HPGD: variants seen among roughly 807,000 people sequenced by gnomAD.
The protein encoded by HPGD is 15-hydroxyprostaglandin dehydrogenase.
HPGD carries 29 observed loss-of-function variants against 30.0 expected under a neutral mutation model. The ratio of observed to expected loss-of-function variants is 0.97; its 90% confidence interval spans 0.72 to 1.32. The LOEUF (loss-of-function observed/expected upper bound fraction) is 1.32. Among genes scored for constraint, HPGD ranks in the 40% most tolerant of loss-of-function variants. The pLI is 0.00. For missense variants in HPGD, 340 were observed against 322.1 expected, an observed-to-expected ratio of 1.06 and a Z score of -0.43; for synonymous variants, 99 against 112.4, an observed-to-expected ratio of 0.88 and a Z score of 0.75.
intron 3 of HPGD, among the ~76,000 whole-genome samples, chr4:174,514,564 G>C (rs1484614485): frequency 6.6e-6 from 1 of 152,076 alleles, no homozygotes; most frequent in African/African-American, 2.4e-5. Context: ...ACATCTTACT[G>C]AGTGGGAAAA....
At chr4:174,497,341 G>A (rs1232868697) in intron 4 of HPGD, among the ~76,000 whole-genome samples, 3 of 152,096 alleles carry the variant, frequency 2.0e-5, no homozygotes, top group Admixed American at 6.6e-5. Flanking sequence ...TCATAGAGGC[G>A]AAAGAAATAT....
intron 3 of HPGD, among the ~76,000 whole-genome samples, chr4:174,516,102 A>C (rs1032996418): frequency 3.3e-5 from 5 of 152,206 alleles, no homozygotes; most frequent in Admixed American, 6.5e-5. Flanking sequence ...CGAAGAACTT[A>C]AAACAGAACT....
Position 174,517,980 on chromosome 4 carries a change from T to G in HPGD, c.315A>C (p.Gln105His), listed in dbSNP as rs992054884. ...AGCTAAGATAACTCACCAAATTAAT[T>G]TGCAGAGTTTTTTCCCAGTTTTTCT... ...NNEKNWEKTL[Q>H]INLVSVISGT... The change falls in exon 3 of 7, where the codon CAA becomes CAC. Residue 105 changes from glutamine to histidine, a missense_variant. Transcript: ENST00000296522. The G allele has an allele frequency of 2.6e-6, 4 of 1,527,070 alleles. No homozygotes were observed. The African/African-American group carries it at 5.5e-5, about 21-fold the overall frequency. The allele number at this position is 1,527,070 out of a possible 1,614,324, so 94.6% of individuals were successfully genotyped here.
At chr4:174,506,662 TGTTTAAAATGATATCAG>T (rs1156809101) in intron 4 of HPGD, 1 of 152,236 alleles carries the variant, frequency 6.6e-6, no homozygotes, top group East Asian at 1.9e-4. Context: ...TAATGTACAG[TGTTTAAAATGATATCAG>T]GTAAACAGTG....
chr4:174,510,923 G>A (rs1735458272), intron 3 of HPGD, among the ~76,000 whole-genome samples: 1 of 152,098 alleles, frequency 6.6e-6, no homozygotes, highest in Non-Finnish European at 1.5e-5. Flanking sequence ...TTACAGGCCT[G>A]AGCCACCGTG....
chr4:174,516,310 T>TA (rs70947446), intron 3 of HPGD, among the ~76,000 whole-genome samples: 81,398 of 151,930 alleles, frequency 0.54, 22,528 homozygotes, highest in East Asian at 0.94. Flanking sequence ...CACACACCCA[T>TA]AAAAAAGGAA....
intron 4 of HPGD, among the ~76,000 whole-genome samples, chr4:174,498,999 G>C (rs1448159948): frequency 6.6e-6 from 1 of 152,094 alleles, no homozygotes; most frequent in African/African-American, 2.4e-5. Context: ...TTCTTCTGTA[G>C]GTATAGTATT....
chr4:174,505,153 A>G (rs1735122064), intron 4 of HPGD, among the ~76,000 whole-genome samples: 1 of 152,142 alleles, frequency 6.6e-6, no homozygotes, highest in Non-Finnish European at 1.5e-5. Flanking sequence ...AAACCTATTA[A>G]TTGCATTTGA....
At chr4:174,509,168 A>G (rs1735341914) in intron 3 of HPGD, among the ~76,000 whole-genome samples, 1 of 152,124 alleles carries the variant, frequency 6.6e-6, no homozygotes, top group African/African-American at 2.4e-5. Context: ...TTCTCTGCAT[A>G]TGGTTCTCAT....
chr4:174,505,597 T>A (rs1468342779), intron 4 of HPGD, among the ~76,000 whole-genome samples: 2 of 152,144 alleles, frequency 1.3e-5, no homozygotes, highest in Non-Finnish European at 2.9e-5. Flanking sequence ...AATTTCATTA[T>A]GGGAAGAATT....
At chr4:174,513,563 A>G (rs1337274910) in intron 3 of HPGD, among the ~76,000 whole-genome samples, 1 of 152,056 alleles carries the variant, frequency 6.6e-6, no homozygotes, top group Non-Finnish European at 1.5e-5. Context: ...ATATTAAAGT[A>G]TAAAACGGAA....
Position 174,522,350 on chromosome 4 carries a change from C to G in HPGD, c.93+9G>C. The G allele has an allele frequency of 6.4e-7, 1 of 1,556,270 alleles. No homozygotes were observed. The highest frequency in any genetic ancestry group is 1.2e-5 in the South Asian group (1 of 84,992). ...CAGAGAAATTTCCGCGGCTGGGCGC[C>G]GGGCTTACCTTGGCGCCCTTAAGCA... On this transcript the variant is annotated intron_variant, in intron 1 of 6. Coordinates refer to ENST00000296522, the MANE Select transcript of HPGD (RefSeq NM_000860.6).
chr4:174,508,951 T>A (rs1278595773), intron 3 of HPGD, among the ~76,000 whole-genome samples, 159 bp from the exon 4 acceptor site: 4 of 152,222 alleles, frequency 2.6e-5, no homozygotes, highest in African/African-American at 9.6e-5. Flanking sequence ...AAGTTAGTCA[T>A]TAAACCTGGA....
At position 174,507,962 on chromosome 4, in the gene HPGD, T is replaced by G. The variant is rs956329021; in HGVS notation, c.421+734A>C. ...CCAGACAGACTCGCTTACAGTTAGGTGAAACATGAGCTCAAGTTCTATACT... is the reference window on the plus strand; with the variant it reads ...CCAGACAGACTCGCTTACAGTTAGGGGAAACATGAGCTCAAGTTCTATACT... On this transcript the variant is annotated intron_variant, in intron 4 of 6. Transcript: ENST00000296522. 4 of 556,842 alleles carry G rather than the reference T, an allele frequency of 7.2e-6. No individual in the cohort carries two copies. The South Asian group carries it at 1.0e-4, about 14-fold the overall frequency. 34.5% of individuals were successfully genotyped at this position (556,842 alleles called of 1,614,324 possible). A position where few individuals can be genotyped will look rare whatever the true frequency, so the allele number is the denominator to read the frequency against.
chr4:174,503,998 A>G (rs1228561372), intron 4 of HPGD, among the ~76,000 whole-genome samples: 1 of 152,170 alleles, frequency 6.6e-6, no homozygotes, highest in Non-Finnish European at 1.5e-5. Flanking sequence ...CATTGTGATT[A>G]TAGGTGTGAG....
At chr4:174,499,553 A>G (rs954218586) in intron 4 of HPGD, among the ~76,000 whole-genome samples, 2 of 152,100 alleles carry the variant, frequency 1.3e-5, no homozygotes, top group African/African-American at 4.8e-5. Context: ...CATTGTCTCC[A>G]CTTTCTTGAC....
intron 3 of HPGD, among the ~76,000 whole-genome samples, chr4:174,511,127 TTATAGAG>T: frequency 6.6e-6 from 1 of 151,838 alleles, no homozygotes; most frequent in East Asian, 2.0e-4. Context: ...AGTTTATAAA[TTATAGAG>T]TCAAGACTGG....
intron 4 of HPGD, among the ~76,000 whole-genome samples, chr4:174,500,987 C>G (rs1388789920): frequency 6.6e-6 from 1 of 152,202 alleles, no homozygotes; most frequent in African/African-American, 2.4e-5. Flanking sequence ...AGTGTCCTAA[C>G]TTGGTTTGAT....
chr4:174,508,115 A>G, intron 4 of HPGD: 1 of 702,340 alleles, frequency 1.4e-6, no homozygotes, highest in Non-Finnish European at 2.6e-6. Flanking sequence ...TAACCCTGGG[A>G]GCTCCCTGCT....
Sources: allele counts gnomAD v4.1 joint callset (sites outside exome capture counted in the v4.1 genomes callset), GRCh38; gene constraint gnomAD v4.1.1; transcripts MANE v1.5; gene names NCBI Gene and HGNC (gene_info 2026-07-23, HGNC 2026-07-21).